Variants in SCHIP1 observed in about 807,000 individuals in gnomAD.
SCHIP1 encodes schwannomin interacting protein 1.
A neutral mutation model predicts 29.7 loss-of-function variants in SCHIP1; 8 were observed. The observed-to-expected ratio is 0.27, with a 90% confidence interval of 0.16 to 0.49. The LOEUF is 0.49. Ranked by LOEUF, SCHIP1 falls within the 20% of genes least tolerant of loss-of-function variation. The pLI, the probability that SCHIP1 is intolerant of heterozygous loss-of-function variation, is 0.99. For missense variants in SCHIP1, 193 were observed against 294.6 expected, an observed-to-expected ratio of 0.66 and a Z score of 2.52; for synonymous variants, 76 against 94.9, an observed-to-expected ratio of 0.80 and a Z score of 1.16.
At chr3:159,705,776 G>A in the SCHIP1 span, among the ~76,000 whole-genome samples, 105 of 152,148 alleles carry the variant, frequency 6.9e-4, no homozygotes, top group Admixed American at 2.3e-3. Context: ...GCGCGATCTC[G>A]GCTCACTGCA....
chr3:159,683,419 G>A, the SCHIP1 span, among the ~76,000 whole-genome samples: 1 of 151,950 alleles, frequency 6.6e-6, no homozygotes, highest in African/African-American at 2.4e-5. Context: ...ATCCTTAGCT[G>A]GTGTTCTTGC....
the SCHIP1 span, among the ~76,000 whole-genome samples, chr3:159,318,554 C>A: frequency 6.6e-6 from 1 of 152,188 alleles, no homozygotes; most frequent in South Asian, 2.1e-4. Context: ...TGGGTGGTGC[C>A]TGCATATCGT....
the SCHIP1 span, among the ~76,000 whole-genome samples, chr3:159,665,529 G>GT: frequency 2.0e-5 from 3 of 146,512 alleles, no homozygotes; most frequent in Non-Finnish European, 4.4e-5. Context: ...TGTTGTGGTG[G>GT]TTTTTTGTTT....
At chr3:159,497,025 T>A in the SCHIP1 span, among the ~76,000 whole-genome samples, 1 of 152,134 alleles carries the variant, frequency 6.6e-6, no homozygotes, top group Admixed American at 6.5e-5. Context: ...AAACACCACA[T>A]GTTCTCACTC....
chr3:159,485,837 C>T, the SCHIP1 span, among the ~76,000 whole-genome samples: 3 of 152,142 alleles, frequency 2.0e-5, no homozygotes, highest in South Asian at 2.1e-4. Context: ...GTCCATAACA[C>T]ACTATGTAGA....
the SCHIP1 span, among the ~76,000 whole-genome samples, chr3:159,520,213 A>C: frequency 6.6e-6 from 1 of 152,138 alleles, no homozygotes; most frequent in Non-Finnish European, 1.5e-5. Context: ...AGAACCTGAC[A>C]CTGCATGGAG....
chr3:159,593,896 C>T, the SCHIP1 span, among the ~76,000 whole-genome samples: 1 of 152,048 alleles, frequency 6.6e-6, no homozygotes, highest in Non-Finnish European at 1.5e-5. Flanking sequence ...TGGCTGCATC[C>T]AGAGCTCCTG....
At chr3:159,539,884 T>A in the SCHIP1 span, among the ~76,000 whole-genome samples, 1 of 151,728 alleles carries the variant, frequency 6.6e-6, no homozygotes, top group Non-Finnish European at 1.5e-5. Flanking sequence ...ACTAAAGAAA[T>A]AAAGAGATGA....
the SCHIP1 span, among the ~76,000 whole-genome samples, chr3:159,768,009 C>A: frequency 3.9e-5 from 6 of 152,150 alleles, no homozygotes; most frequent in Admixed American, 3.3e-4. Flanking sequence ...GACAACAACA[C>A]AACCCATACC....
the SCHIP1 span, among the ~76,000 whole-genome samples, chr3:159,365,593 T>C: frequency 6.6e-6 from 1 of 152,186 alleles, no homozygotes; most frequent in Non-Finnish European, 1.5e-5. Flanking sequence ...TGTGTTTGCT[T>C]TAAGTTCCTT....
At chr3:159,648,945 A>T in the SCHIP1 span, among the ~76,000 whole-genome samples, 8 of 151,896 alleles carry the variant, frequency 5.3e-5, no homozygotes, top group Admixed American at 5.2e-4. Context: ...ATTTCTTGTC[A>T]CTAGGACCTG....
At chr3:159,822,275 A>G in the SCHIP1 span, among the ~76,000 whole-genome samples, 1 of 152,142 alleles carries the variant, frequency 6.6e-6, no homozygotes, top group Non-Finnish European at 1.5e-5. Flanking sequence ...AAGGGTTGCA[A>G]TGATAGGTAA....
At chr3:159,608,119 A>G in the SCHIP1 span, among the ~76,000 whole-genome samples, 2 of 152,188 alleles carry the variant, frequency 1.3e-5, no homozygotes, top group Non-Finnish European at 2.9e-5. Context: ...GCTCAGCAAG[A>G]CAATGTGATC....
chr3:159,682,345 G>A, the SCHIP1 span, among the ~76,000 whole-genome samples: 10 of 152,146 alleles, frequency 6.6e-5, no homozygotes, highest in Non-Finnish European at 1.3e-4. Context: ...AGCCAATTGA[G>A]CATAAAATGA....
At chr3:159,383,904 C>T in the SCHIP1 span, among the ~76,000 whole-genome samples, 6 of 151,398 alleles carry the variant, frequency 4.0e-5, no homozygotes, top group South Asian at 2.1e-4. Flanking sequence ...ATTTGGCTCT[C>T]TGTTTGTCTG....
At chr3:159,764,786 G>T in the SCHIP1 span, 5 of 1,566,682 alleles carry the variant, frequency 3.2e-6, no homozygotes, top group Non-Finnish European at 4.3e-6. The surrounding 1 kb of genome is among the most constrained non-coding windows in gnomAD (Gnocchi z 6.1). Flanking sequence ...GGCGGCGGGG[G>T]CAGGAGCGCC....
chr3:159,384,207 C>T, the SCHIP1 span, among the ~76,000 whole-genome samples: 5 of 150,644 alleles, frequency 3.3e-5, no homozygotes, highest in East Asian at 9.8e-4. Flanking sequence ...GGGAATGCTT[C>T]CAGTTTTTGC....
chr3:159,333,045 C>T, the SCHIP1 span, among the ~76,000 whole-genome samples: 8 of 152,106 alleles, frequency 5.3e-5, no homozygotes, highest in African/African-American at 1.9e-4. Flanking sequence ...AGAGATGATA[C>T]TGAAAGACTG....
At chr3:159,390,060 A>G in the SCHIP1 span, among the ~76,000 whole-genome samples, 1 of 152,178 alleles carries the variant, frequency 6.6e-6, no homozygotes, top group East Asian at 1.9e-4. Flanking sequence ...GATTGCATAT[A>G]TATATATAAA....
Sources: allele counts gnomAD v4.1 joint callset (sites outside exome capture counted in the v4.1 genomes callset), GRCh38; gene constraint gnomAD v4.1.1; non-coding constraint Gnocchi (gnomAD v3.1); transcripts MANE v1.5; gene names NCBI Gene and HGNC (gene_info 2026-07-23, HGNC 2026-07-21).